The following ATP6V0D1 variants were observed in gnomAD, a reference collection of about 807,000 sequenced individuals.
The protein encoded by ATP6V0D1 is ATPase H+ transporting V0 subunit d1.
Under a neutral mutation model 39.0 loss-of-function variants are expected in ATP6V0D1, and 13 were observed. The observed-to-expected ratio is 0.33, with a 90% confidence interval of 0.22 to 0.53. The LOEUF is 0.53. Among genes scored for constraint, ATP6V0D1 ranks in the 20% least tolerant of loss-of-function variants. The pLI is 0.94. For missense variants in ATP6V0D1, 272 were observed against 470.9 expected (o/e 0.58, Z 3.91); for synonymous variants, 191 against 191.2 (o/e 1.00, Z 0.01).
intron 1 of ATP6V0D1, among the ~76,000 whole-genome samples, chr16:67,478,570 C>A (rs552039772): frequency 6.7e-6 from 1 of 148,592 alleles, no homozygotes; most frequent in African/African-American, 2.5e-5. Context: ...GCGGAGATCG[C>A]GCCACTGCAC....
At chr16:67,450,466 C>T (rs2041165967) in intron 2 of ATP6V0D1, among the ~76,000 whole-genome samples, 1 of 152,014 alleles carries the variant, frequency 6.6e-6, no homozygotes, top group South Asian at 2.1e-4. Context: ...TGGGGCAGAG[C>T]GGAGAAGGGA....
chr16:67,459,013 C>T (rs1005605912), intron 1 of ATP6V0D1: 8 of 972,208 alleles, frequency 8.2e-6, no homozygotes, highest in Non-Finnish European at 9.8e-6. Flanking sequence ...GTCACCTTCA[C>T]CCAGCAGTCC....
chr16:67,450,982 G>A (rs1459491633), intron 2 of ATP6V0D1, among the ~76,000 whole-genome samples: 1 of 152,202 alleles, frequency 6.6e-6, no homozygotes, highest in Non-Finnish European at 1.5e-5. Flanking sequence ...ACCTGCCCAA[G>A]AGGAGGCTGG....
chr16:67,445,626 T>C (rs1005150602), intron 2 of ATP6V0D1, among the ~76,000 whole-genome samples: 1 of 152,162 alleles, frequency 6.6e-6, no homozygotes, highest in East Asian at 1.9e-4. Flanking sequence ...CTGGGTCAGG[T>C]CGATCCCAGG....
rs1328512144 is a variant in ATP6V0D1, at chr16:67,453,374, G to A, written c.302+170C>T. Among the ~76,000 whole-genome samples the A allele has an allele frequency of 2.6e-5, 4 of 152,332 alleles. No homozygotes were observed. Among genetic ancestry groups the A allele is most frequent in the East Asian group, 3.9e-4 (2 of 5,184 alleles). ...TTGAATGACCACGCACACAGTCAGG[G>A]AGGACTCTGAAGGTAGGGTCCTGGG... On this transcript the variant is annotated intron_variant, in intron 2 of 7. Transcript: ENST00000290949. This position sits in a 1 kb window ranked among gnomAD's most constrained non-coding sequence, Gnocchi z 4.1.
chr16:67,463,114 A>G (rs2041301937), intron 1 of ATP6V0D1, among the ~76,000 whole-genome samples: 1 of 152,186 alleles, frequency 6.6e-6, no homozygotes, highest in South Asian at 2.1e-4. Flanking sequence ...CAAAGGAGAA[A>G]AGTAGGAAAT....
In ATP6V0D1 at chr16:67,439,310, G is replaced by A. The variant is rs138075495; in HGVS notation, c.603C>T (p.Gly201=). Residue 201 remains glycine (G), a synonymous_variant, in exon 5 of 8, where the codon GGC becomes GGT. Transcript: ENST00000290949. The part of the protein sequence containing the change: ...ESFYKFCTLL[G]GTTADAMCPI... Reference sequence around the variant, plus strand: ...GGCACATGGCATCAGCCGTAGTCCCGCCCAGTAGGGTGCAGAACTTGTAGA... The same window carrying A: ...GGCACATGGCATCAGCCGTAGTCCCACCCAGTAGGGTGCAGAACTTGTAGA... 43 of 1,613,974 alleles carry A rather than the reference G, an allele frequency of 2.7e-5. No homozygotes were observed. The African/African-American group carries it at 4.0e-4, about 15-fold the overall frequency.
In ATP6V0D1 at chr16:67,447,642, G is replaced by T. The variant is rs894311952; in HGVS notation, c.303-2936C>A. On this transcript the variant is annotated intron_variant, in intron 2 of 7. Transcript: ENST00000290949. The surrounding 1 kb of genome is among the most constrained non-coding windows in gnomAD (Gnocchi z 4.1). ...GGGGTGGGGCCGTCTGTATTCCTCTGCCCAGAGGCCCTCCCTTGCCCTGTG... is the reference window on the plus strand; with the variant it reads ...GGGGTGGGGCCGTCTGTATTCCTCTTCCCAGAGGCCCTCCCTTGCCCTGTG... Among the ~76,000 whole-genome samples, 7 of 152,198 alleles carry T rather than the reference G, an allele frequency of 4.6e-5. No homozygotes were observed. The highest frequency in any genetic ancestry group is 1.0e-4 in the Non-Finnish European group (7 of 68,036).
chr16:67,444,716 G>C lies in ATP6V0D1; in HGVS notation c.303-10C>G. 1 of 1,579,070 alleles carries C rather than the reference G, an allele frequency of 6.3e-7. No individual in the cohort carries two copies. Among genetic ancestry groups the C allele is most frequent in the East Asian group, 2.3e-5 (1 of 43,986 alleles). ...GATCATGTAACTGTAACTACAGGGG[G>C]CAGGCAATAGCAAGGAGCCCATCAA... is the stretch of plus-strand genomic sequence containing the variant. On this transcript the variant is annotated splice_polypyrimidine_tract_variant and intron_variant, in intron 2 of 7. Coordinates refer to ENST00000290949, the MANE Select transcript of ATP6V0D1 (RefSeq NM_004691.5). The surrounding 1 kb of genome is among the most constrained non-coding windows in gnomAD (Gnocchi z 4.8).
intron 1 of ATP6V0D1, among the ~76,000 whole-genome samples, chr16:67,472,824 C>A (rs770655660): frequency 6.6e-6 from 1 of 152,052 alleles, no homozygotes; most frequent in Non-Finnish European, 1.5e-5. Flanking sequence ...GAGCCAAGAT[C>A]GCGCCACTGC....
Position 67,438,575 on chromosome 16 carries a change from C to T in ATP6V0D1, c.1009G>A (p.Ala337Thr), listed in dbSNP as rs747711094. The change falls in exon 8 of 8, where the codon GCC becomes ACC. Residue 337 changes from alanine (A) to threonine (T), a missense_variant. By Grantham distance (58) the Ala-to-Thr change is moderately conservative. Around this residue, in one of 4 missense-constraint regions of ATP6V0D1, gnomAD observed 35 missense variants for 84.6 expected, o/e 0.41. Coordinates refer to ENST00000290949, the MANE Select transcript of ATP6V0D1 (RefSeq NM_004691.5). ...TCGATTTTGGCGCGGTGGCGCTGGG[C>T]GATACATTCAGCGATCCACACGATG... ...RNIVWIAECI[A>T]QRHRAKIDNY... 2 of 1,614,050 alleles carry T rather than the reference C, an allele frequency of 1.2e-6. No individual in the cohort carries two copies. The highest frequency in any genetic ancestry group is 1.7e-6 in the Non-Finnish European group (2 of 1,180,060).
chr16:67,475,045 A>G (rs976573020), intron 1 of ATP6V0D1, among the ~76,000 whole-genome samples: 1 of 152,252 alleles, frequency 6.6e-6, no homozygotes, highest in South Asian at 2.1e-4. Flanking sequence ...CTGGATTACT[A>G]TAAGAACCTG....
rs536874200 is a variant in ATP6V0D1, at chr16:67,457,278, C to T, written c.131-3563G>A. ...ACAGAAATCAGACAGAACATGAAAC[C>T]TGTCCAGAGTCCCAGAGTTGGGGCA... On this transcript the variant is annotated intron_variant, in intron 1 of 7. Transcript: ENST00000290949. 151 of 280,868 alleles carry T rather than the reference C, an allele frequency of 5.4e-4. 1 individual carries two copies. The highest frequency in any genetic ancestry group is 3.1e-3 in the African/African-American group (141 of 45,344). 17.4% of individuals were successfully genotyped at this position (280,868 alleles called of 1,614,324 possible). A position where few individuals can be genotyped will look rare whatever the true frequency, so the allele number is the denominator to read the frequency against.
chr16:67,438,588 G>A lies in ATP6V0D1; in HGVS notation c.996C>T (p.Ile332=), dbSNP rs746663639. The A allele has an allele frequency of 8.1e-6, 13 of 1,614,114 alleles. No individual in the cohort carries two copies. The highest frequency in any genetic ancestry group is 1.7e-5 in the Admixed American group (1 of 60,012). ...KEQECRNIVW[I]AECIAQRHRA... is the part of the protein sequence containing the mutation. Reference sequence around the variant, plus strand: ...GGTGGCGCTGGGCGATACATTCAGCGATCCACACGATGTTGCGACACTCCT... The same window carrying A: ...GGTGGCGCTGGGCGATACATTCAGCAATCCACACGATGTTGCGACACTCCT... Residue 332 remains isoleucine, a synonymous_variant, in exon 8 of 8, where the codon ATC becomes ATT. Coordinates refer to ENST00000290949, the MANE Select transcript of ATP6V0D1 (RefSeq NM_004691.5).
intron 1 of ATP6V0D1, among the ~76,000 whole-genome samples, chr16:67,472,514 G>A (rs1203723550): frequency 6.6e-6 from 1 of 152,158 alleles, no homozygotes; most frequent in Non-Finnish European, 1.5e-5. Context: ...CCAAGTTGTG[G>A]TCATCTAATT....
intron 7 of ATP6V0D1, 30 bp from the exon 8 acceptor site, chr16:67,438,719 G>A: frequency 6.2e-7 from 1 of 1,614,150 alleles, no homozygotes; most frequent in Non-Finnish European, 8.5e-7. Context: ...TGGTGTCCAG[G>A]TGGCCATGGC....
intron 1 of ATP6V0D1, among the ~76,000 whole-genome samples, chr16:67,471,338 G>A (rs1021237366): frequency 2.0e-5 from 3 of 152,020 alleles, no homozygotes; most frequent in Admixed American, 6.5e-5. Context: ...ACAGGCATGC[G>A]CCACCACGCC....
intron 3 of ATP6V0D1, 88 bp from the exon 4 acceptor site, chr16:67,443,266 G>A (rs774887492): frequency 3.1e-5 from 43 of 1,368,486 alleles, no homozygotes; most frequent in East Asian, 1.6e-4. Context: ...CAGAGTGCCC[G>A]TGCCACAAGG....
At chr16:67,471,751 A>G (rs1224078547) in intron 1 of ATP6V0D1, among the ~76,000 whole-genome samples, 1 of 151,250 alleles carries the variant, frequency 6.6e-6, no homozygotes, top group Non-Finnish European at 1.5e-5. Flanking sequence ...GGCTCACTAC[A>G]GCCTCAACCT....
Sources: gnomAD v4.1 joint callset for allele counts (sites outside exome capture counted in the v4.1 genomes callset) on GRCh38, gnomAD v4.1.1 for gene constraint, gnomAD v4.1.1 regional missense constraint, Gnocchi (gnomAD v3.1) non-coding constraint, MANE v1.5 for transcripts, NCBI Gene and HGNC (gene_info 2026-07-23, HGNC 2026-07-21) for gene names.